Variants in RCOR1 observed in about 807,000 individuals in gnomAD.
The protein encoded by RCOR1 is REST corepressor.
RCOR1 carries 12 observed loss-of-function variants against 64.0 expected under a neutral mutation model. That is an observed-to-expected ratio of 0.19 (90% confidence interval 0.12 to 0.30). RCOR1 has a LOEUF of 0.30. Ranked by LOEUF, RCOR1 falls within the 10% of genes least tolerant of loss-of-function variation. RCOR1 has a pLI of 1.00. For synonymous variants in RCOR1, 279 were observed against 227.2 expected (o/e 1.23, Z -2.05); for missense variants, 502 against 621.2 (o/e 0.81, Z 2.04).
chr14:102,616,301 C>T (rs2139895012), intron 2 of RCOR1, among the ~76,000 whole-genome samples: 1 of 151,698 alleles, frequency 6.6e-6, no homozygotes, highest in South Asian at 2.1e-4. Context: ...TAGGGTCTTT[C>T]CCCAGTTGCC....
intron 2 of RCOR1, among the ~76,000 whole-genome samples, chr14:102,650,114 T>C (rs540093969): frequency 2.0e-5 from 3 of 149,504 alleles, no homozygotes; most frequent in African/African-American, 7.4e-5. Context: ...AGGAGAATGG[T>C]GTGAACCTGG....
intron 2 of RCOR1, among the ~76,000 whole-genome samples, chr14:102,608,005 G>A (rs1429274836): frequency 6.6e-6 from 1 of 151,888 alleles, no homozygotes; most frequent in East Asian, 1.9e-4. Flanking sequence ...GCCATCAGCC[G>A]AGATCACGCT....
At chr14:102,636,945 T>C (rs1284887622) in intron 2 of RCOR1, among the ~76,000 whole-genome samples, 2 of 151,958 alleles carry the variant, frequency 1.3e-5, no homozygotes, top group Non-Finnish European at 2.9e-5. Context: ...CACTCCAGCC[T>C]GGGTGACAAG....
intron 2 of RCOR1, among the ~76,000 whole-genome samples, chr14:102,627,378 C>T (rs540860421): frequency 7.2e-5 from 11 of 152,156 alleles, no homozygotes; most frequent in South Asian, 4.1e-4. Context: ...ACTTTTTTGC[C>T]GGGTGTGGTG....
At chr14:102,683,630 T>TTG in intron 3 of RCOR1, among the ~76,000 whole-genome samples, 1 of 152,344 alleles carries the variant, frequency 6.6e-6, no homozygotes, top group African/African-American at 2.4e-5. Context: ...AATCGGAGGA[T>TTG]GCTTTGGGCC....
At chr14:102,621,801 G>T (rs868513519) in intron 2 of RCOR1, among the ~76,000 whole-genome samples, 3 of 152,074 alleles carry the variant, frequency 2.0e-5, no homozygotes, top group Admixed American at 6.6e-5. Flanking sequence ...GAAAGAGAGG[G>T]CCTCTTTTCG....
At chr14:102,620,062 A>G (rs914170781) in intron 2 of RCOR1, among the ~76,000 whole-genome samples, 2 of 152,200 alleles carry the variant, frequency 1.3e-5, no homozygotes, top group Non-Finnish European at 2.9e-5. Flanking sequence ...CAAATTATAC[A>G]GTAGCTTTCT....
chr14:102,601,985 C>A (rs1284827015), intron 2 of RCOR1, among the ~76,000 whole-genome samples: 3 of 152,024 alleles, frequency 2.0e-5, no homozygotes, highest in Non-Finnish European at 4.4e-5. Flanking sequence ...ATGGCGAAAC[C>A]CCGTCTCTAC....
chr14:102,657,777 G>A, intron 2 of RCOR1: 1 of 637,358 alleles, frequency 1.6e-6, no homozygotes, highest in Non-Finnish European at 1.9e-6. Flanking sequence ...GGCGGAGGTT[G>A]CAGTGAGCCT....
intron 2 of RCOR1, among the ~76,000 whole-genome samples, chr14:102,648,749 G>A (rs552906056): frequency 4.3e-4 from 65 of 152,120 alleles, no homozygotes; most frequent in African/African-American, 1.2e-3. Flanking sequence ...TGTAGCTCTC[G>A]TCTCTGACAG....
chr14:102,713,864 C>T (rs1173708183), intron 7 of RCOR1, among the ~76,000 whole-genome samples: 1 of 152,186 alleles, frequency 6.6e-6, no homozygotes, highest in African/African-American at 2.4e-5. Flanking sequence ...ACTTCTTGTT[C>T]TTAAAATGGT....
At chr14:102,601,870 C>T (rs1449266990) in intron 2 of RCOR1, among the ~76,000 whole-genome samples, 2 of 152,098 alleles carry the variant, frequency 1.3e-5, no homozygotes, top group Non-Finnish European at 2.9e-5. Flanking sequence ...TCAGAATTCC[C>T]ATACGTGTTT....
intron 2 of RCOR1, among the ~76,000 whole-genome samples, chr14:102,620,118 AG>A (rs1160377196): frequency 6.6e-6 from 1 of 152,082 alleles, no homozygotes; most frequent in East Asian, 1.9e-4. Context: ...GGCTGGGTGC[AG>A]TGACTCACTT....
At chr14:102,646,028 A>G (rs774415672) in intron 2 of RCOR1, among the ~76,000 whole-genome samples, 3 of 151,848 alleles carry the variant, frequency 2.0e-5, no homozygotes, top group Non-Finnish European at 4.4e-5. Context: ...AAGTTACATC[A>G]CATCATTTCT....
intron 2 of RCOR1, among the ~76,000 whole-genome samples, chr14:102,610,573 G>T (rs1595193429): frequency 6.6e-6 from 1 of 151,962 alleles, no homozygotes; most frequent in East Asian, 1.9e-4. Flanking sequence ...TATTATTTTT[G>T]TGTGTGTGTG....
intron 2 of RCOR1, among the ~76,000 whole-genome samples, chr14:102,623,391 TTTA>T (rs1893916062): frequency 8.5e-6 from 1 of 117,720 alleles, no homozygotes; most frequent in African/African-American, 4.7e-5. Context: ...TTATTTATTA[TTTA>T]TTTATTTATT....
chr14:102,659,584 A>G (rs190421501), intron 2 of RCOR1, among the ~76,000 whole-genome samples: 38 of 152,312 alleles, frequency 2.5e-4, no homozygotes, highest in African/African-American at 7.2e-4. Context: ...ACCTCTGCCA[A>G]GACACTTCAT....
rs998845612 is a variant in RCOR1, at chr14:102,592,968, G to GCCGCCGCCT, written c.91_99dup (p.Ser31_Ala33dup). ...CAACGCGGCCGCCTCCGCCTCCGCCGCCGCCGCCTCCGCCGCCGCCTCGGC... is the reference window on the plus strand; with the variant it reads ...CAACGCGGCCGCCTCCGCCTCCGCCGCCGCCGCCTCCGCCGCCTCCGCCGCCGCCTCGGC... On this transcript the variant is annotated inframe_insertion, in exon 1 of 12. Transcript: ENST00000262241. The GCCGCCGCCT allele has an allele frequency of 5.1e-5, 59 of 1,158,838 alleles. No homozygotes were observed. The Admixed American group carries it at 1.7e-3, about 34-fold the overall frequency. The allele number at this position is 1,158,838 out of a possible 1,614,324, so 71.8% of individuals were successfully genotyped here. A position where few individuals can be genotyped will look rare whatever the true frequency, so the allele number is the denominator to read the frequency against.
At chr14:102,715,925 G>C (rs1043452978) in intron 8 of RCOR1, among the ~76,000 whole-genome samples, 13 of 152,090 alleles carry the variant, frequency 8.5e-5, no homozygotes, top group Admixed American at 7.9e-4. Flanking sequence ...AGCATCCCTG[G>C]TCTTGACCCA....
Sources: gnomAD v4.1 joint callset for allele counts (sites outside exome capture counted in the v4.1 genomes callset) on GRCh38, gnomAD v4.1.1 for gene constraint, MANE v1.5 for transcripts, NCBI Gene and HGNC (gene_info 2026-07-23, HGNC 2026-07-21) for gene names.